Variants in ETFA observed in about 807,000 individuals in gnomAD.
The protein encoded by ETFA is electron transfer flavoprotein subunit alpha.
A neutral mutation model predicts 46.2 loss-of-function variants in ETFA; 22 were observed. The observed-to-expected ratio is 0.48, with a 90% confidence interval of 0.34 to 0.68. ETFA has a LOEUF of 0.68. Ranked by LOEUF, ETFA falls within the 30% of genes least tolerant of loss-of-function variation. The probability of loss-of-function intolerance (pLI) is 0.01; values close to 1 mark genes in which losing one functional copy is unlikely to be tolerated. For synonymous variants in ETFA, 131 were observed against 139.9 expected, an observed-to-expected ratio of 0.94 and a Z score of 0.45; for missense variants, 345 against 401.1, an observed-to-expected ratio of 0.86 and a Z score of 1.19.
At chr15:76,252,373 C>A (rs997730736) in intron 9 of ETFA, among the ~76,000 whole-genome samples, 1 of 152,186 alleles carries the variant, frequency 6.6e-6, no homozygotes, top group African/African-American at 2.4e-5. Flanking sequence ...TATTTACACA[C>A]TCTCACCTCG....
At chr15:76,223,205 G>A (rs1596187044) in intron 11 of ETFA, among the ~76,000 whole-genome samples, 1 of 141,350 alleles carries the variant, frequency 7.1e-6, no homozygotes, top group South Asian at 2.2e-4. Flanking sequence ...ATATATAACT[G>A]TACTTCAGAA....
At chr15:76,265,034 T>C (rs570511318) in intron 9 of ETFA, among the ~76,000 whole-genome samples, 37 of 152,324 alleles carry the variant, frequency 2.4e-4, no homozygotes, top group Admixed American at 1.4e-3. Flanking sequence ...AACTGAGGCA[T>C]ATCCGGCACA....
chr15:76,293,247 A>T (rs1437614450), intron 2 of ETFA, among the ~76,000 whole-genome samples: 1 of 152,234 alleles, frequency 6.6e-6, no homozygotes, highest in Admixed American at 6.5e-5. Context: ...AAGCATTTCA[A>T]CAAAAATTCC....
At chr15:76,228,491 C>T (rs555450992) in intron 10 of ETFA, among the ~76,000 whole-genome samples, 1 of 152,126 alleles carries the variant, frequency 6.6e-6, no homozygotes, top group African/African-American at 2.4e-5. Flanking sequence ...GCCACTATGC[C>T]TGCCTTAAAA....
chr15:76,231,675 T>C (rs2039067517), intron 9 of ETFA, among the ~76,000 whole-genome samples: 1 of 152,208 alleles, frequency 6.6e-6, no homozygotes, highest in Admixed American at 6.5e-5. Context: ...TTAAGCATTT[T>C]ACATCAAGTG....
chr15:76,275,115 C>T (rs372640997), intron 8 of ETFA, among the ~76,000 whole-genome samples: 6 of 152,106 alleles, frequency 3.9e-5, no homozygotes, highest in Non-Finnish European at 8.8e-5. Context: ...ACTAATCACA[C>T]CCTGCCCTTC....
intron 9 of ETFA, among the ~76,000 whole-genome samples, chr15:76,236,619 C>T (rs1199672676): frequency 1.3e-5 from 2 of 152,106 alleles, no homozygotes; most frequent in African/African-American, 4.8e-5. Flanking sequence ...TCAATGGGAA[C>T]GTGAACCAAA....
chr15:76,225,450 A>G (rs2038994697), intron 11 of ETFA, among the ~76,000 whole-genome samples: 1 of 151,820 alleles, frequency 6.6e-6, no homozygotes, highest in Non-Finnish European at 1.5e-5. Context: ...CACCACGCCC[A>G]GCTAATTTTT....
chr15:76,283,789 A>G lies in ETFA; in HGVS notation c.701T>C (p.Leu234Ser). ...GLKSGENFKLLYDLADQLHAA... is the reference protein window; with the variant it reads ...GLKSGENFKLSYDLADQLHAA... ...ATGTAGTTGATCTGCCAAGTCATAT[A>G]ACAACTTAAAGTTCTCTCCACTCTT... The change falls in exon 8 of 12, where the codon TTA becomes TCA. Residue 234 changes from leucine to serine, a missense_variant. Transcript: ENST00000557943. 15 of 1,612,610 alleles carry G rather than the reference A, an allele frequency of 9.3e-6. No individual in the cohort carries two copies. Among genetic ancestry groups the G allele is most frequent in the Non-Finnish European group, 1.3e-5 (15 of 1,178,738 alleles).
At chr15:76,243,780 C>T (rs1272279000) in intron 9 of ETFA, among the ~76,000 whole-genome samples, 1 of 149,428 alleles carries the variant, frequency 6.7e-6, no homozygotes, top group East Asian at 2.0e-4. Context: ...GCCTGAGCGA[C>T]AGAGCAAGAC....
chr15:76,266,678 T>C (rs908717294), intron 9 of ETFA, among the ~76,000 whole-genome samples: 32 of 152,034 alleles, frequency 2.1e-4, no homozygotes, highest in Non-Finnish European at 3.1e-4. Context: ...CCAAGGCGGG[T>C]GGCTCATGAG....
At chr15:76,284,401 G>C (rs954600246) in intron 7 of ETFA, 1 of 181,596 alleles carries the variant, frequency 5.5e-6, no homozygotes, top group African/African-American at 2.4e-5. Context: ...GAAGTGGGCG[G>C]ATCACCTGAG....
intron 9 of ETFA, among the ~76,000 whole-genome samples, chr15:76,252,651 C>T (rs922334281): frequency 1.3e-5 from 2 of 151,870 alleles, no homozygotes; most frequent in Non-Finnish European, 2.9e-5. Context: ...AATACTTGGC[C>T]CTAAAGTGGA....
At chr15:76,223,779 A>AT (rs1342543611) in intron 11 of ETFA, among the ~76,000 whole-genome samples, 1 of 152,230 alleles carries the variant, frequency 6.6e-6, no homozygotes, top group African/African-American at 2.4e-5. Flanking sequence ...GCATAGTCTC[A>AT]TGCCAAACCT....
Position 76,240,922 on chromosome 15 carries a change from TTAA to T in ETFA, c.817-9527_817-9525del, listed in dbSNP as rs1351544210. On this transcript the variant is annotated intron_variant, in intron 9 of 11. Coordinates refer to ENST00000557943, the MANE Select transcript of ETFA (RefSeq NM_000126.4). The stretch of plus-strand genomic sequence containing the variant: ...GAATAAGACCCCACCTCTAAAAATA[TTAA>T]TAATAATAAATTAAATATAATTTTT... Among the ~76,000 whole-genome samples the T allele has an allele frequency of 6.6e-5, 10 of 151,020 alleles. No individual in the cohort carries two copies. In the East Asian group the frequency reaches 7.7e-4, roughly 12 times the overall value.
intron 9 of ETFA, among the ~76,000 whole-genome samples, chr15:76,237,089 G>C (rs1228218536): frequency 6.6e-6 from 1 of 152,210 alleles, no homozygotes; most frequent in African/African-American, 2.4e-5. Flanking sequence ...GTCTCACTCT[G>C]CTGCCCAGGC....
chr15:76,303,169 G>A (rs144881596), intron 1 of ETFA, among the ~76,000 whole-genome samples: 17 of 152,194 alleles, frequency 1.1e-4, no homozygotes, highest in East Asian at 7.7e-4. Flanking sequence ...TTAGCTGGGC[G>A]TGGTGGCAGG....
At position 76,294,071 on chromosome 15, in the gene ETFA, A is replaced by G. The variant is rs146345052; in HGVS notation, c.187-1371T>C. On this transcript the variant is annotated intron_variant, in intron 2 of 11. Transcript: ENST00000557943. ...ATAAAATGGTATAAAACCGAACTCT[A>G]TTAAACGATCTCTTCATACAGGTAC... Among the ~76,000 whole-genome samples the G allele has an allele frequency of 3.9e-3, 590 of 152,362 alleles. 3 individuals carry two copies. Among genetic ancestry groups the G allele is most frequent in the African/African-American group, 0.013 (558 of 41,596 alleles).
chr15:76,277,304 TG>T (rs1421682506), intron 8 of ETFA, among the ~76,000 whole-genome samples: 3 of 152,184 alleles, frequency 2.0e-5, no homozygotes, highest in Non-Finnish European at 4.4e-5. Flanking sequence ...CAGTTCCTCC[TG>T]AAGGAGATCA....
Sources: gnomAD v4.1 joint callset for allele counts (sites outside exome capture counted in the v4.1 genomes callset) on GRCh38, gnomAD v4.1.1 for gene constraint, MANE v1.5 for transcripts, NCBI Gene and HGNC (gene_info 2026-07-23, HGNC 2026-07-21) for gene names.